FRMD3: variants seen among roughly 807,000 people sequenced by gnomAD.
The protein encoded by FRMD3 is FERM domain-containing protein 3.
Under a neutral mutation model 70.2 loss-of-function variants are expected in FRMD3, and 33 were observed. The ratio of observed to expected loss-of-function variants is 0.47; its 90% CI spans 0.36 to 0.63. The LOEUF is 0.63. Among genes scored for constraint, FRMD3 ranks in the 20% least tolerant of loss-of-function variants. The probability of loss-of-function intolerance (pLI) is 0.00; values close to 1 mark genes in which losing one functional copy is unlikely to be tolerated. For missense variants in FRMD3, 632 were observed against 711.4 expected (o/e 0.89, Z 1.27); for synonymous variants, 279 against 255.9 (o/e 1.09, Z -0.86).
downstream of FRMD3, among the ~76,000 whole-genome samples, chr9:83,243,971 AC>A (rs1327708256): frequency 6.6e-6 from 1 of 152,108 alleles, no homozygotes; most frequent in Non-Finnish European, 1.5e-5. Flanking sequence ...TACTGAAAAT[AC>A]AAAAAATTAG....
In FRMD3 at chr9:83,455,618, T is replaced by C. The variant is rs1455173331; in HGVS notation, c.148-65910A>G. Among the ~76,000 whole-genome samples the C allele has an allele frequency of 2.0e-5, 3 of 152,212 alleles. No homozygotes were observed. In the East Asian group the frequency reaches 5.8e-4, roughly 29 times the overall value. ...TTTCTTCCCAGTCTTGGATATGTCT[T>C]TATCAGCAGCATGAAAACAGACTAA... On this transcript the variant is annotated intron_variant, in intron 1 of 13. Transcript: ENST00000304195.
chr9:83,452,107 G>T (rs1245359032), intron 1 of FRMD3, among the ~76,000 whole-genome samples: 1 of 152,160 alleles, frequency 6.6e-6, no homozygotes, highest in East Asian at 1.9e-4. Flanking sequence ...CAGCCATGCT[G>T]ATGGGGGAAC....
At chr9:83,391,329 T>C (rs765844350) in intron 1 of FRMD3, among the ~76,000 whole-genome samples, 4 of 152,188 alleles carry the variant, frequency 2.6e-5, no homozygotes, top group Non-Finnish European at 5.9e-5. Flanking sequence ...GCCCAGAAAA[T>C]AATCATTGGC....
At position 83,504,481 on chromosome 9, in the gene FRMD3, TC is replaced by T. The variant is rs373113219; in HGVS notation, c.147+33603del. Among the ~76,000 whole-genome samples the T allele has an allele frequency of 2.5e-3, 377 of 152,220 alleles. 1 individual carries two copies. Among genetic ancestry groups the T allele is most frequent in the African/African-American group, 8.4e-3 (351 of 41,540 alleles). On this transcript the variant is annotated intron_variant, in intron 1 of 13. Transcript: ENST00000304195. ...CTGCCACCCCCTCTCTTGGCTTCTT[TC>T]CCAGTCCTCTCCTCCTCCCTCACAT...
In FRMD3 at chr9:83,247,273, A is replaced by G; in HGVS notation, c.*645T>C. The G allele has an allele frequency of 4.1e-6, 4 of 985,302 alleles. No homozygotes were observed. The highest frequency in any genetic ancestry group is 4.8e-6 in the Non-Finnish European group (4 of 829,844). The allele number at this position is 985,302 out of a possible 1,614,324, so 61.0% of individuals were successfully genotyped here. A position where few individuals can be genotyped will look rare whatever the true frequency, so the allele number is the denominator to read the frequency against. The stretch of plus-strand genomic sequence containing the variant: ...ATCATAACAAATTATGGTATTGTTC[A>G]GCCAAAAATATTTTTAAAAACAAAG... On this transcript the variant is annotated 3_prime_UTR_variant, in exon 14 of 14. Coordinates refer to ENST00000304195, the MANE Select transcript of FRMD3 (RefSeq NM_174938.6).
intron 5 of FRMD3, among the ~76,000 whole-genome samples, chr9:83,338,236 C>T (rs1218612963): frequency 6.6e-6 from 1 of 152,114 alleles, no homozygotes; most frequent in Non-Finnish European, 1.5e-5. Flanking sequence ...GGCAATAAAA[C>T]TAGGAAGTTG....
intron 1 of FRMD3, among the ~76,000 whole-genome samples, chr9:83,503,265 T>C (rs190551136): frequency 3.9e-5 from 6 of 152,190 alleles, no homozygotes; most frequent in Admixed American, 1.3e-4. Flanking sequence ...ATATACCCTA[T>C]AGTCCTTAAA....
Position 83,383,402 on chromosome 9 carries a change from C to A in FRMD3, c.252+6202G>T, listed in dbSNP as rs1359662409. Among the ~76,000 whole-genome samples, 4 of 152,214 alleles carry A rather than the reference C, an allele frequency of 2.6e-5. No individual in the cohort carries two copies. In the South Asian group the frequency reaches 6.2e-4, roughly 24 times the overall value. On this transcript the variant is annotated intron_variant, in intron 2 of 13. Coordinates refer to ENST00000304195, the MANE Select transcript of FRMD3 (RefSeq NM_174938.6). The stretch of plus-strand genomic sequence containing the variant: ...CATTAACCTCCACACATGTAACAGA[C>A]AACTACTACTGAACCTTGAAGGAAA...
chr9:83,488,824 T>C (rs1015847248), intron 1 of FRMD3, among the ~76,000 whole-genome samples: 5 of 152,168 alleles, frequency 3.3e-5, no homozygotes, highest in African/African-American at 1.2e-4. Context: ...TAAATGACTT[T>C]AGACATTGTC....
At chr9:83,401,503 A>G (rs28445418) in intron 1 of FRMD3, among the ~76,000 whole-genome samples, 1 of 152,204 alleles carries the variant, frequency 6.6e-6, no homozygotes, top group Non-Finnish European at 1.5e-5. Context: ...GCCAAGATAT[A>G]TCAGTCAGGA....
At chr9:83,276,382 A>G (rs890654822) in intron 13 of FRMD3, 3 of 152,224 alleles carry the variant, frequency 2.0e-5, no homozygotes, top group East Asian at 3.8e-4. Flanking sequence ...TCTCTGAGTA[A>G]AGGAAATTAC....
chr9:83,423,506 A>T (rs1826703296), intron 1 of FRMD3, among the ~76,000 whole-genome samples: 1 of 150,686 alleles, frequency 6.6e-6, no homozygotes, highest in Non-Finnish European at 1.5e-5. Context: ...GTGCTGCCCC[A>T]ATTTGGTAGC....
chr9:83,555,527 C>T, the FRMD3 span, among the ~76,000 whole-genome samples: 1 of 152,192 alleles, frequency 6.6e-6, no homozygotes, highest in South Asian at 2.1e-4. Context: ...CCTCCCCCTC[C>T]CCCTAGGAGA....
At chr9:83,410,571 A>G (rs948716423) in intron 1 of FRMD3, among the ~76,000 whole-genome samples, 7 of 152,142 alleles carry the variant, frequency 4.6e-5, no homozygotes, top group African/African-American at 1.7e-4. Flanking sequence ...GGTTGATTCC[A>G]TGTCTTTGCT....
intron 1 of FRMD3, among the ~76,000 whole-genome samples, chr9:83,464,183 G>GGTAAGCCTCA (rs1409949810): frequency 6.6e-6 from 1 of 152,158 alleles, no homozygotes; most frequent in Non-Finnish European, 1.5e-5. Flanking sequence ...TAATGCTGAC[G>GGTAAGCCTCA]GTAAGCCTCA....
At chr9:83,318,483 G>A (rs963591138) in intron 6 of FRMD3, among the ~76,000 whole-genome samples, 2 of 150,642 alleles carry the variant, frequency 1.3e-5, no homozygotes, top group African/African-American at 4.9e-5. Context: ...TATATAATAT[G>A]TGTGTGTGTG....
intron 1 of FRMD3, among the ~76,000 whole-genome samples, chr9:83,396,569 T>C (rs1055627981): frequency 2.6e-5 from 4 of 152,174 alleles, no homozygotes; most frequent in Admixed American, 1.3e-4. Context: ...AAAGGACACA[T>C]GACCCAGCTT....
intron 13 of FRMD3, among the ~76,000 whole-genome samples, chr9:83,274,969 A>C (rs1344371545): frequency 6.6e-6 from 1 of 152,216 alleles, no homozygotes. Flanking sequence ...GGTGGCTTCC[A>C]GGCCTCTTGC....
intron 1 of FRMD3, among the ~76,000 whole-genome samples, chr9:83,518,358 GA>G (rs1829498217): frequency 6.6e-6 from 1 of 152,126 alleles, no homozygotes; most frequent in Non-Finnish European, 1.5e-5. Context: ...GACAAACTGA[GA>G]GCCAAATCAT....
Sources: gnomAD v4.1 joint callset for allele counts (sites outside exome capture counted in the v4.1 genomes callset) on GRCh38, gnomAD v4.1.1 for gene constraint, MANE v1.5 for transcripts, NCBI Gene and HGNC (gene_info 2026-07-23, HGNC 2026-07-21) for gene names.